The following SHE variants were observed in gnomAD, a reference collection of about 807,000 sequenced individuals.
SHE encodes Src homology 2 domain containing E.
In SHE, 11 loss-of-function variants were observed where a neutral mutation model predicts 49.8. The ratio of observed to expected loss-of-function variants is 0.22; its 90% CI spans 0.14 to 0.37. The LOEUF (loss-of-function observed/expected upper bound fraction) is 0.37. Ranked by LOEUF, SHE falls within the 10% of genes least tolerant of loss-of-function variation. SHE has a pLI of 1.00. For missense variants in SHE, 624 were observed against 655.5 expected, an observed-to-expected ratio of 0.95 and a Z score of 0.52; for synonymous variants, 310 against 278.1, an observed-to-expected ratio of 1.11 and a Z score of -1.14.
At chr1:154,479,367 T>A, downstream of SHE, 1 of 314,848 alleles carries the variant, frequency 3.2e-6, no homozygotes, top group Non-Finnish European at 4.6e-6. Flanking sequence ...GGTGTTTCTA[T>A]ATTTCATTAA....
At chr1:154,477,486 A>G (rs772165706), downstream of SHE, among the ~76,000 whole-genome samples, 1 of 152,204 alleles carries the variant, frequency 6.6e-6, no homozygotes, top group African/African-American at 2.4e-5. Flanking sequence ...GATTACAGGC[A>G]TAAGCCACTA....
Position 154,495,907 on chromosome 1 carries a change from G to A in SHE, c.718+3205C>T, listed in dbSNP as rs188411130. ...TTTAACCACTCCACAGTTCAACTGT[G>A]TTCATTAAAATCCTTTCCATCTTCA... is the stretch of plus-strand genomic sequence containing the variant. On this transcript the variant is annotated intron_variant, in intron 2 of 5. Transcript: ENST00000304760. Among the ~76,000 whole-genome samples, 4 of 152,284 alleles carry A rather than the reference G, an allele frequency of 2.6e-5. No homozygotes were observed. In the East Asian group the frequency reaches 7.7e-4, roughly 29 times the overall value.
chr1:154,489,094 C>A lies in SHE; in HGVS notation c.981G>T (p.Gln327His). 1.2e-6 allele frequency: 2 copies of A among 1,609,700 alleles called. No individual in the cohort carries two copies. Among genetic ancestry groups the A allele is most frequent in the Non-Finnish European group, 1.7e-6 (2 of 1,177,202 alleles). ...TCTGCTCCTTCTTCCACTCCCATGG[C>A]TGCTCGTACTCTGCCGCGGGCCTCT... ...NDERPAAEYE[Q>H]PWEWKKEQIV... Residue 327 changes from glutamine (Q) to histidine (H), a missense_variant, in exon 3 of 6, where the codon CAG (glutamine) becomes CAT (histidine). Physicochemically the swap from Gln to His is conservative, Grantham distance 24 (BLOSUM62 0). Around this residue, in one of 4 missense-constraint regions of SHE, gnomAD observed 155 missense variants for 142.0 expected, o/e 1.09. Transcript: ENST00000304760.
At chr1:154,492,729 A>C in intron 2 of SHE, among the ~76,000 whole-genome samples, 1 of 152,246 alleles carries the variant, frequency 6.6e-6, no homozygotes, top group South Asian at 2.1e-4. Context: ...GGGAAGCAGA[A>C]AACACAAAGG....
chr1:154,493,103 G>C (rs1239396826), intron 2 of SHE, among the ~76,000 whole-genome samples: 1 of 152,210 alleles, frequency 6.6e-6, no homozygotes, highest in Non-Finnish European at 1.5e-5. Flanking sequence ...TATTTAGACA[G>C]TCTCCCCACA....
chr1:154,491,002 G>T (rs1692344904), intron 2 of SHE, among the ~76,000 whole-genome samples: 1 of 152,144 alleles, frequency 6.6e-6, no homozygotes, highest in African/African-American at 2.4e-5. Context: ...AGCAGTACAG[G>T]GTGGTGAGCA....
At chr1:154,474,897 G>T (rs1272364678), downstream of SHE, among the ~76,000 whole-genome samples, 1 of 152,196 alleles carries the variant, frequency 6.6e-6, no homozygotes, top group Non-Finnish European at 1.5e-5. Context: ...TGCTCTCTGG[G>T]TGCAAGAATT....
Position 154,501,827 on chromosome 1 carries a change from T to C in SHE, c.200A>G (p.Lys67Arg). 3.9e-6 allele frequency: 6 copies of C among 1,548,814 alleles called. No homozygotes were observed. Among genetic ancestry groups the C allele is most frequent in the Non-Finnish European group, 4.3e-6 (5 of 1,154,818 alleles). ...KPGGGGGKLR[K>R]NSEAGGAGPG... is the part of the protein sequence containing the mutation. ...CCCAGCGCCGCCCGCCTCCGAGTTC[T>C]TGCGCAATTTGCCGCCGCCGCCCCC... The change falls in exon 1 of 6, where the codon AAG becomes AGG. Residue 67 changes from lysine (K) to arginine (R), a missense_variant. This residue lies in a region of SHE where 337 missense variants were observed against 306.0 expected (regional missense o/e 1.10). Transcript: ENST00000304760.
intron 2 of SHE, among the ~76,000 whole-genome samples, chr1:154,492,976 C>T (rs1356023926): frequency 2.0e-5 from 3 of 152,168 alleles, no homozygotes; most frequent in Non-Finnish European, 4.4e-5. Flanking sequence ...GGCAGTGTTC[C>T]TACCGGGCCT....
rs1369595690 is a variant in SHE, at chr1:154,496,234, AC to A, written c.718+2877del. 2.0e-5 allele frequency among the ~76,000 whole-genome samples: 3 copies of A among 152,352 alleles called. No individual in the cohort carries two copies. In the East Asian group the frequency reaches 5.8e-4, roughly 29 times the overall value. On this transcript the variant is annotated intron_variant, in intron 2 of 5. Coordinates refer to ENST00000304760, the MANE Select transcript of SHE (RefSeq NM_001010846.3). ...AGAAACTTTAAAATCCACGAGTACAACTTTTTTAAAGTTAAGACCAAAGTAT... is the reference window on the plus strand; with the variant it reads ...AGAAACTTTAAAATCCACGAGTACAATTTTTTAAAGTTAAGACCAAAGTAT...
At chr1:154,484,505 A>G in intron 5 of SHE, 170 bp from the exon 6 acceptor site, 1 of 587,818 alleles carries the variant, frequency 1.7e-6, no homozygotes, top group East Asian at 2.8e-5. Context: ...CAGAAATTTC[A>G]CAGTCTAAAC....
rs1415051106 is a variant in SHE, at chr1:154,481,385, TCTC to T, written c.*2761_*2763del. 1.2e-5 allele frequency: 12 copies of T among 985,324 alleles called. No homozygotes were observed. The highest frequency in any genetic ancestry group is 1.4e-5 in the Non-Finnish European group (12 of 829,948). The allele number at this position is 985,324 out of a possible 1,614,324, so 61.0% of individuals were successfully genotyped here. A position where few individuals can be genotyped will look rare whatever the true frequency, so the allele number is the denominator to read the frequency against. On this transcript the variant is annotated 3_prime_UTR_variant, in exon 6 of 6. Transcript: ENST00000304760. ...AACTGGACAATATGTAAACTCTGCC[TCTC>T]CTCTACTTTTAATTCTATAAAGAAT...
At chr1:154,494,588 T>C (rs1692468623) in intron 2 of SHE, among the ~76,000 whole-genome samples, 1 of 151,830 alleles carries the variant, frequency 6.6e-6, no homozygotes, top group Non-Finnish European at 1.5e-5. Context: ...ATTTGACTAT[T>C]TAAACAAACC....
chr1:154,476,675 A>G (rs1691883900), downstream of SHE, among the ~76,000 whole-genome samples: 3 of 146,432 alleles, frequency 2.0e-5, no homozygotes, highest in Non-Finnish European at 3.0e-5. Context: ...ACCGTCTCAG[A>G]AAAAAAAAAA....
In SHE at chr1:154,501,690, G is replaced by T. The variant is rs749193244; in HGVS notation, c.337C>A (p.Gln113Lys). ...TTGCGGCCCTTGCCCGCGGCGGCCT[G>T]AATCAGACCCTGCAGGCTGTCGCGG... Reference protein sequence around the residue: ...LSRDSLQGLIQAAAGKGRKNS... With the variant: ...LSRDSLQGLIKAAAGKGRKNS... Residue 113 changes from glutamine to lysine, a missense_variant, in exon 1 of 6, where the codon CAG becomes AAG. Physicochemically the swap from Gln to Lys is moderately conservative, Grantham distance 53. Around this residue, in one of 4 missense-constraint regions of SHE, gnomAD observed 337 missense variants for 306.0 expected, o/e 1.10. Coordinates refer to ENST00000304760, the MANE Select transcript of SHE (RefSeq NM_001010846.3). The T allele has an allele frequency of 6.2e-7, 1 of 1,612,730 alleles. No homozygotes were observed. The highest frequency in any genetic ancestry group is 8.5e-7 in the Non-Finnish European group (1 of 1,179,674).
At position 154,502,021 on chromosome 1, in the gene SHE, C is replaced by T. The variant is rs1692796419; in HGVS notation, c.6G>A (p.Gln2=). 1 of 1,355,176 alleles carries T rather than the reference C, an allele frequency of 7.4e-7. No homozygotes were observed. Among genetic ancestry groups the T allele is most frequent in the East Asian group, 3.0e-5 (1 of 32,848 alleles). The allele number at this position is 1,355,176 out of a possible 1,614,324, so 83.9% of individuals were successfully genotyped here. M[Q]WSPTPGASAC... is the part of the protein sequence containing the mutation. Reference sequence around the variant, plus strand: ...CAGAGGCGCCAGGGGTCGGGGACCACTGCATTCCCCGTGACTGGGGCGCTG... The same window carrying T: ...CAGAGGCGCCAGGGGTCGGGGACCATTGCATTCCCCGTGACTGGGGCGCTG... The change falls in exon 1 of 6, where the codon CAG becomes CAA. Residue 2 remains glutamine, a synonymous_variant. Coordinates refer to ENST00000304760, the MANE Select transcript of SHE (RefSeq NM_001010846.3).
intron 2 of SHE, among the ~76,000 whole-genome samples, chr1:154,495,166 G>C (rs1257632186): frequency 1.3e-5 from 2 of 152,230 alleles, no homozygotes; most frequent in Non-Finnish European, 2.9e-5. Flanking sequence ...ATCAACTGCA[G>C]AAAGAATCCT....
downstream of SHE, among the ~76,000 whole-genome samples, chr1:154,478,612 A>G (rs902130992): frequency 1.3e-5 from 2 of 152,168 alleles, no homozygotes; most frequent in African/African-American, 4.8e-5. Flanking sequence ...TATGATGAAA[A>G]GCATTTGTTC....
In SHE at chr1:154,481,649, GT is replaced by G; in HGVS notation, c.*2499del. 1 of 982,120 alleles carries G rather than the reference GT, an allele frequency of 1.0e-6. No homozygotes were observed. Among genetic ancestry groups the G allele is most frequent in the Non-Finnish European group, 1.2e-6 (1 of 827,066 alleles). The allele number at this position is 982,120 out of a possible 1,614,324, so 60.8% of individuals were successfully genotyped here. On this transcript the variant is annotated 3_prime_UTR_variant, in exon 6 of 6. Transcript: ENST00000304760. The stretch of plus-strand genomic sequence containing the variant: ...TGCTGTATTCCCTTTGTAGAATAAG[GT>G]TAAGTAAAAACGTTTCATTTCTAGA...
Sources: gnomAD v4.1 joint callset for allele counts (sites outside exome capture counted in the v4.1 genomes callset) on GRCh38, gnomAD v4.1.1 for gene constraint, gnomAD v4.1.1 regional missense constraint, MANE v1.5 for transcripts, NCBI Gene and HGNC (gene_info 2026-07-23, HGNC 2026-07-21) for gene names.